SMG1: variants seen among roughly 807,000 people sequenced by gnomAD.
The protein encoded by SMG1 is serine/threonine-protein kinase SMG1.
SMG1 carries 22 observed loss-of-function variants against 419.9 expected under a neutral mutation model. The ratio of observed to expected loss-of-function variants is 0.05; its 90% CI spans 0.04 to 0.07. SMG1 has a LOEUF of 0.07. Among genes scored for constraint, SMG1 ranks in the 10% least tolerant of loss-of-function variants. The pLI is 1.00. For synonymous variants in SMG1, 1,538 were observed against 1,553.5 expected, an observed-to-expected ratio of 0.99 and a Z score of 0.23; for missense variants, 3,185 against 4,342.0, an observed-to-expected ratio of 0.73 and a Z score of 7.49.
At chr16:18,888,367 C>G (rs1318737063) in intron 6 of SMG1, among the ~76,000 whole-genome samples, 3 of 150,942 alleles carry the variant, frequency 2.0e-5, no homozygotes, top group African/African-American at 7.3e-5. Flanking sequence ...AAATGTGAAG[C>G]ACTCTTCTAT....
In SMG1 at chr16:18,850,336, T is replaced by G; in HGVS notation, c.5184A>C (p.Gly1728=). Residue 1728 remains glycine (G), a synonymous_variant, in exon 34 of 63, where the codon GGA becomes GGC. Transcript: ENST00000446231. ...LSELDESATE[G]VIKVWRKVVD... ...CAACTTTCCTCCACACTTTAATAACTCCTTCAGTTGCACTTTCATCAAGTT... is the reference window on the plus strand; with the variant it reads ...CAACTTTCCTCCACACTTTAATAACGCCTTCAGTTGCACTTTCATCAAGTT... 1 of 1,613,950 alleles carries G rather than the reference T, an allele frequency of 6.2e-7. No homozygotes were observed. Among genetic ancestry groups the G allele is most frequent in the African/African-American group, 1.3e-5 (1 of 75,046 alleles).
chr16:18,915,911 G>A (rs1361889717), intron 1 of SMG1, among the ~76,000 whole-genome samples: 1 of 150,002 alleles, frequency 6.7e-6, no homozygotes, highest in Non-Finnish European at 1.5e-5. Context: ...TCTACTAAAA[G>A]TACAAAAACC....
intron 38 of SMG1, among the ~76,000 whole-genome samples, chr16:18,846,095 T>C (rs918546669): frequency 6.6e-6 from 1 of 152,138 alleles, no homozygotes; most frequent in Non-Finnish European, 1.5e-5. Flanking sequence ...ATTACAGGTA[T>C]GAGTCACCGT....
At chr16:18,849,827 G>A in intron 35 of SMG1, 122 bp downstream of exon 35, 1 of 928,916 alleles carries the variant, frequency 1.1e-6, no homozygotes, top group Non-Finnish European at 1.6e-6. Context: ...GGGTGTCCTA[G>A]GAAGTTAATC....
intron 25 of SMG1, 43 bp downstream of exon 25, chr16:18,863,607 G>A (rs1365076868): frequency 2.0e-6 from 3 of 1,530,628 alleles, no homozygotes; most frequent in Admixed American, 3.3e-5. Flanking sequence ...AAACATCATA[G>A]TTATTGGAAA....
intron 62 of SMG1, among the ~76,000 whole-genome samples, chr16:18,809,857 G>T (rs1419804822): frequency 1.3e-5 from 2 of 151,860 alleles, no homozygotes; most frequent in African/African-American, 4.8e-5. Context: ...AGAGAGCTAA[G>T]ACAGTTATAA....
intron 62 of SMG1, 139 bp downstream of exon 62, chr16:18,811,622 T>C: frequency 1.3e-6 from 1 of 798,952 alleles, no homozygotes; most frequent in Non-Finnish European, 2.1e-6. Context: ...AGAGCTGTGT[T>C]ACTCAAAATC....
At chr16:18,819,259 T>G (rs960471998) in intron 56 of SMG1, among the ~76,000 whole-genome samples, 1 of 152,238 alleles carries the variant, frequency 6.6e-6, no homozygotes, top group Non-Finnish European at 1.5e-5. Context: ...GACCTCTTTA[T>G]TTTTCAACAG....
chr16:18,903,510 G>C (rs991276752), intron 1 of SMG1, among the ~76,000 whole-genome samples: 4 of 152,128 alleles, frequency 2.6e-5, no homozygotes, highest in South Asian at 4.1e-4. Flanking sequence ...TGACCTTATA[G>C]ATTTCTGCTT....
chr16:18,860,892 T>C (rs2035180696), intron 25 of SMG1, 116 bp from the exon 26 acceptor site: 3 of 525,886 alleles, frequency 5.7e-6, no homozygotes, highest in East Asian at 6.5e-5. Flanking sequence ...AGCATTTTTC[T>C]GACAAAATTC....
At chr16:18,914,131 A>G (rs1426579930) in intron 1 of SMG1, among the ~76,000 whole-genome samples, 2 of 150,836 alleles carry the variant, frequency 1.3e-5, no homozygotes, top group Non-Finnish European at 3.0e-5. Flanking sequence ...GTGCCCTTGC[A>G]CTCCAGCCTG....
chr16:18,835,902 A>G, intron 48 of SMG1, 31 bp downstream of exon 48: 5 of 1,543,346 alleles, frequency 3.2e-6, no homozygotes, highest in Non-Finnish European at 4.4e-6. Flanking sequence ...CCGTCTCAAA[A>G]ATAAAAGAAA....
intron 1 of SMG1, among the ~76,000 whole-genome samples, chr16:18,914,556 C>T (rs1284447091): frequency 6.6e-6 from 1 of 151,778 alleles, no homozygotes; most frequent in Admixed American, 6.6e-5. Flanking sequence ...TGGTGGCAAT[C>T]GCCTGTAATC....
intron 13 of SMG1, chr16:18,875,142 T>G (rs2141648124): frequency 6.5e-6 from 1 of 152,686 alleles, no homozygotes; most frequent in Non-Finnish European, 1.5e-5. Context: ...TTAAATAATT[T>G]TGTGCATACA....
intron 40 of SMG1, 107 bp from the exon 41 acceptor site, chr16:18,841,901 G>A (rs1423034004): frequency 7.7e-6 from 7 of 905,480 alleles, no homozygotes; most frequent in Non-Finnish European, 8.9e-6. Context: ...GACAGTCCAT[G>A]AGGCACACTG....
chr16:18,810,927 T>A (rs897394289), intron 62 of SMG1, among the ~76,000 whole-genome samples: 11 of 152,178 alleles, frequency 7.2e-5, no homozygotes, highest in Non-Finnish European at 1.5e-4. Flanking sequence ...TGGGAAATTG[T>A]TAACTGGTGA....
chr16:18,880,883 A>G (rs2036359124), intron 10 of SMG1, among the ~76,000 whole-genome samples: 1 of 151,558 alleles, frequency 6.6e-6, no homozygotes, highest in South Asian at 2.1e-4. Context: ...ATAAAAAATT[A>G]GCAGGAGCTA....
intron 38 of SMG1, among the ~76,000 whole-genome samples, chr16:18,846,397 A>C (rs2034270095): frequency 6.6e-6 from 1 of 152,162 alleles, no homozygotes; most frequent in Non-Finnish European, 1.5e-5. Flanking sequence ...AACTTTTGTA[A>C]ATCAAAAAAT....
chr16:18,881,884 T>G lies in SMG1; in HGVS notation c.1293+281A>C, dbSNP rs1264217765. On this transcript the variant is annotated intron_variant, in intron 10 of 62. Transcript: ENST00000446231. ...CAATAATTTAAAAGTAAAATTATAA[T>G]AAATATTATTTAAAAACGAAAGAAT... is the stretch of plus-strand genomic sequence containing the variant. 3.9e-5 allele frequency among the ~76,000 whole-genome samples: 6 copies of G among 152,152 alleles called. No homozygotes were observed. The East Asian group carries it at 5.8e-4, about 15-fold the overall frequency.
Sources: gnomAD v4.1 joint callset for allele counts (sites outside exome capture counted in the v4.1 genomes callset) on GRCh38, gnomAD v4.1.1 for gene constraint, MANE v1.5 for transcripts, NCBI Gene and HGNC (gene_info 2026-07-23, HGNC 2026-07-21) for gene names.